The following SLX4IP variants were observed in gnomAD, a reference collection of about 807,000 sequenced individuals.
SLX4IP encodes the protein protein SLX4IP.
SLX4IP carries 34 observed loss-of-function variants against 32.9 expected under a neutral mutation model. The observed-to-expected ratio is 1.03, with a 90% CI of 0.79 to 1.38. SLX4IP has a LOEUF of 1.38. Among genes scored for constraint, SLX4IP ranks in the 40% most tolerant of loss-of-function variants. The pLI, the probability that SLX4IP is intolerant of heterozygous loss-of-function variation, is 0.00. For missense variants in SLX4IP, 444 were observed against 479.0 expected (o/e 0.93, Z 0.68); for synonymous variants, 172 against 171.7 (o/e 1.00, Z -0.01).
intron 3 of SLX4IP, among the ~76,000 whole-genome samples, chr20:10,557,344 C>T (rs1398645938): frequency 6.6e-6 from 1 of 152,086 alleles, no homozygotes; most frequent in African/African-American, 2.4e-5. Flanking sequence ...ACTTTGCTGT[C>T]ATTATTTTGC....
intron 4 of SLX4IP, among the ~76,000 whole-genome samples, chr20:10,581,025 C>CT (rs77562993): frequency 2.6e-5 from 4 of 151,440 alleles, no homozygotes; most frequent in Non-Finnish European, 5.9e-5. Context: ...TCTAAGGAAT[C>CT]TTTTTTTTTC....
chr20:10,576,954 C>T (rs2066530380), intron 4 of SLX4IP, among the ~76,000 whole-genome samples: 3 of 152,042 alleles, frequency 2.0e-5, no homozygotes, highest in Admixed American at 2.0e-4. Flanking sequence ...TTTTTCTCCC[C>T]CAACTGTGAG....
At chr20:10,460,398 T>A (rs531347434) in intron 2 of SLX4IP, among the ~76,000 whole-genome samples, 2 of 152,352 alleles carry the variant, frequency 1.3e-5, no homozygotes, top group South Asian at 4.1e-4. Context: ...TTCCTTTTGA[T>A]GTTGGTTGGG....
intron 2 of SLX4IP, among the ~76,000 whole-genome samples, chr20:10,547,248 G>T (rs2066171600): frequency 6.6e-6 from 1 of 151,368 alleles, no homozygotes; most frequent in African/African-American, 2.4e-5. Flanking sequence ...AAAGTCATTT[G>T]TTCTGCTTTT....
At chr20:10,547,719 C>T (rs1401194412) in intron 2 of SLX4IP, among the ~76,000 whole-genome samples, 1 of 152,130 alleles carries the variant, frequency 6.6e-6, no homozygotes, top group Non-Finnish European at 1.5e-5. Flanking sequence ...TTCCTGCGTT[C>T]AGGGTGCAGG....
At position 10,559,770 on chromosome 20, in the gene SLX4IP, T is replaced by C. The variant is rs540048237; in HGVS notation, c.118-930T>C. 3.3e-5 allele frequency among the ~76,000 whole-genome samples: 5 copies of C among 152,312 alleles called. No individual in the cohort carries two copies. The South Asian group carries it at 8.3e-4, about 25-fold the overall frequency. The stretch of plus-strand genomic sequence containing the variant: ...TACTAGTGATAAGGAATACTGAAAT[T>C]GAATTAAAACCATGTGTTTCTGTCG... On this transcript the variant is annotated intron_variant, in intron 3 of 7. Coordinates refer to ENST00000334534, the MANE Select transcript of SLX4IP (RefSeq NM_001009608.3).
chr20:10,538,965 G>T (rs184772035), intron 2 of SLX4IP, among the ~76,000 whole-genome samples: 1 of 152,196 alleles, frequency 6.6e-6, no homozygotes, highest in Non-Finnish European at 1.5e-5. Flanking sequence ...TTCCTGTTGA[G>T]GACTAATGCC....
intron 2 of SLX4IP, among the ~76,000 whole-genome samples, chr20:10,519,083 G>A (rs900323421): frequency 3.9e-5 from 6 of 152,190 alleles, no homozygotes; most frequent in African/African-American, 1.4e-4. Context: ...ATACACCCAT[G>A]TAAATGTACA....
intron 2 of SLX4IP, among the ~76,000 whole-genome samples, chr20:10,462,800 A>G (rs1307822475): frequency 1.3e-5 from 2 of 152,232 alleles, no homozygotes; most frequent in Non-Finnish European, 2.9e-5. Context: ...TGGAAAGGGT[A>G]TGATCCTTTC....
At chr20:10,512,306 G>C (rs935460189) in intron 2 of SLX4IP, among the ~76,000 whole-genome samples, 11 of 152,146 alleles carry the variant, frequency 7.2e-5, no homozygotes, top group African/African-American at 2.4e-4. Context: ...TGCTAAGTAG[G>C]AGAATCCTAG....
At chr20:10,439,515 A>AT (rs1261964347) in intron 1 of SLX4IP, among the ~76,000 whole-genome samples, 1 of 152,258 alleles carries the variant, frequency 6.6e-6, no homozygotes, top group Non-Finnish European at 1.5e-5. Context: ...TGGCCTAACA[A>AT]TTTTTTTAGA....
chr20:10,554,283 C>G (rs199686838), intron 2 of SLX4IP, among the ~76,000 whole-genome samples: 1 of 152,134 alleles, frequency 6.6e-6, no homozygotes, highest in Non-Finnish European at 1.5e-5. Flanking sequence ...TTGAGTCTAT[C>G]GGTAGTGTGG....
intron 2 of SLX4IP, among the ~76,000 whole-genome samples, chr20:10,482,376 A>G (rs751433368): frequency 2.2e-4 from 33 of 151,988 alleles, no homozygotes; most frequent in Non-Finnish European, 3.5e-4. Flanking sequence ...CATGCATTCT[A>G]TTTGTTTTGA....
intron 1 of SLX4IP, among the ~76,000 whole-genome samples, chr20:10,447,304 C>T (rs1274220427): frequency 1.3e-5 from 2 of 152,090 alleles, no homozygotes; most frequent in African/African-American, 4.8e-5. Flanking sequence ...TTTTACCTTG[C>T]ATTGTAGCAG....
chr20:10,626,017 T>C lies in SLX4IP; in HGVS notation c.*2638T>C, dbSNP rs1387653467. 3.0e-5 allele frequency: 4 copies of C among 135,544 alleles called. No individual in the cohort carries two copies. The highest frequency in any genetic ancestry group is 1.1e-4 in the African/African-American group (4 of 36,116). 8.4% of individuals were successfully genotyped at this position (135,544 alleles called of 1,614,324 possible). ...GTATGTGTTTTGACATTCTTTTTTT[T>C]TTTTTTTTTTTTTTTGAGACAGAGT... On this transcript the variant is annotated 3_prime_UTR_variant, in exon 8 of 8. Coordinates refer to ENST00000334534, the MANE Select transcript of SLX4IP (RefSeq NM_001009608.3).
intron 2 of SLX4IP, among the ~76,000 whole-genome samples, chr20:10,461,621 C>T (rs2065339016): frequency 6.6e-6 from 1 of 152,176 alleles, no homozygotes; most frequent in Non-Finnish European, 1.5e-5. Flanking sequence ...TGCTCTGCTC[C>T]AGGGTATCAT....
chr20:10,473,648 G>A (rs2065446722), intron 2 of SLX4IP, among the ~76,000 whole-genome samples: 1 of 151,188 alleles, frequency 6.6e-6, no homozygotes, highest in South Asian at 2.1e-4. Context: ...TGTCACCCAG[G>A]CTGGAATGCA....
intron 2 of SLX4IP, among the ~76,000 whole-genome samples, chr20:10,555,520 G>A (rs2066257465): frequency 6.6e-6 from 1 of 152,114 alleles, no homozygotes; most frequent in East Asian, 1.9e-4. Context: ...TAAGTGCTCA[G>A]CAGCCACATA....
In SLX4IP at chr20:10,598,682, C is replaced by G; in HGVS notation, c.246C>G (p.Gly82=). The G allele has an allele frequency of 6.2e-7, 1 of 1,614,118 alleles. No individual in the cohort carries two copies. The highest frequency in any genetic ancestry group is 8.5e-7 in the Non-Finnish European group (1 of 1,179,952). ...TTCCCTTTCACTTTCCAGGTTATGG[C>G]TTTCAAATCACAGCCTATTTCCTCA... is the stretch of plus-strand genomic sequence containing the variant. The part of the protein sequence containing the change: ...RSNPLSLKGY[G]FQITAYFLKR... Residue 82 remains glycine, a synonymous_variant, in exon 5 of 8, where the codon GGC becomes GGG. Transcript: ENST00000334534.
Sources: allele counts gnomAD v4.1 joint callset (sites outside exome capture counted in the v4.1 genomes callset), GRCh38; gene constraint gnomAD v4.1.1; transcripts MANE v1.5; gene names NCBI Gene and HGNC (gene_info 2026-07-23, HGNC 2026-07-21).